Variants in RPS6KC1 observed in about 807,000 individuals in gnomAD.
The protein encoded by RPS6KC1 is inactive ribosomal protein S6 kinase delta-1.
RPS6KC1 carries 54 observed loss-of-function variants against 103.8 expected under a neutral mutation model. That is an observed-to-expected ratio of 0.52 (90% CI 0.42 to 0.65). RPS6KC1 has a LOEUF of 0.65. Among genes scored for constraint, RPS6KC1 ranks in the 30% least tolerant of loss-of-function variants. The pLI is 0.00. For synonymous variants in RPS6KC1, 439 were observed against 438.7 expected (o/e 1.00, Z -0.01); for missense variants, 1,151 against 1,253.8 (o/e 0.92, Z 1.24).
At chr1:213,175,282 A>T (rs1220605668) in intron 7 of RPS6KC1, among the ~76,000 whole-genome samples, 2 of 152,204 alleles carry the variant, frequency 1.3e-5, no homozygotes, top group African/African-American at 4.8e-5. Context: ...ATTCTCAAGG[A>T]GCTGCCTGTC....
chr1:213,367,155 G>C, the RPS6KC1 span, among the ~76,000 whole-genome samples: 2 of 152,226 alleles, frequency 1.3e-5, no homozygotes, highest in Non-Finnish European at 2.9e-5. Flanking sequence ...TTTCATGCAT[G>C]TTCTAACTAA....
the RPS6KC1 span, among the ~76,000 whole-genome samples, chr1:213,695,536 C>G: frequency 2.0e-5 from 3 of 152,176 alleles, no homozygotes; most frequent in Non-Finnish European, 2.9e-5. Context: ...AAAGTGGCCC[C>G]TCTGCTGGGA....
At chr1:213,087,729 G>A (rs2080543695) in intron 3 of RPS6KC1, among the ~76,000 whole-genome samples, 1 of 152,156 alleles carries the variant, frequency 6.6e-6, no homozygotes, top group Non-Finnish European at 1.5e-5. Flanking sequence ...TGATCACCTA[G>A]CTAAGGACAC....
chr1:213,199,950 A>G (rs2093095927), intron 8 of RPS6KC1, among the ~76,000 whole-genome samples: 1 of 152,238 alleles, frequency 6.6e-6, no homozygotes, highest in Admixed American at 6.5e-5. Context: ...GATCTCTACA[A>G]GGAGAACTGT....
the RPS6KC1 span, among the ~76,000 whole-genome samples, chr1:213,678,282 A>G: frequency 1.3e-5 from 2 of 152,228 alleles, no homozygotes; most frequent in Non-Finnish European, 2.9e-5. Flanking sequence ...TGTGTTCAGA[A>G]GCTTGCAGAC....
chr1:213,340,583 C>T, the RPS6KC1 span, among the ~76,000 whole-genome samples: 3 of 152,126 alleles, frequency 2.0e-5, no homozygotes, highest in Admixed American at 2.0e-4. Context: ...TAAGACTGCA[C>T]CCATAATGAA....
At chr1:213,797,557 C>T in the RPS6KC1 span, among the ~76,000 whole-genome samples, 9 of 152,282 alleles carry the variant, frequency 5.9e-5, no homozygotes, top group South Asian at 6.2e-4. Flanking sequence ...ACTTTGACCA[C>T]GTCTATCCTC....
chr1:213,674,343 A>T, the RPS6KC1 span, among the ~76,000 whole-genome samples: 1 of 152,002 alleles, frequency 6.6e-6, no homozygotes, highest in South Asian at 2.1e-4. Flanking sequence ...GTTTATGAGT[A>T]CCCAATGTTT....
chr1:213,551,355 A>C, the RPS6KC1 span, among the ~76,000 whole-genome samples: 1 of 152,098 alleles, frequency 6.6e-6, no homozygotes, highest in African/African-American at 2.4e-5. Flanking sequence ...AGGGGGAAGG[A>C]AAGTGCACCA....
chr1:213,475,267 T>C, the RPS6KC1 span, among the ~76,000 whole-genome samples: 2 of 152,160 alleles, frequency 1.3e-5, no homozygotes, highest in African/African-American at 4.8e-5. Context: ...CACCAGACTT[T>C]GGTGCAATTT....
At chr1:213,754,808 C>T in the RPS6KC1 span, among the ~76,000 whole-genome samples, 1 of 152,198 alleles carries the variant, frequency 6.6e-6, no homozygotes, top group South Asian at 2.1e-4. Flanking sequence ...TCCCATTGGG[C>T]ATCAGGGCTT....
rs2085836390 is a variant in RPS6KC1 at position 213,133,074 on chromosome 1, T to G, written c.835+3185T>G. ...GGTAACTTTGAATTCTCTTTGAACC[T>G]GACACTTCACTTACTCCCTCTTAGA... On this transcript the variant is annotated intron_variant, in intron 6 of 14. Transcript: ENST00000366960. 3.3e-5 allele frequency among the ~76,000 whole-genome samples: 5 copies of G among 152,302 alleles called. No homozygotes were observed. In the South Asian group the frequency reaches 1.0e-3, roughly 32 times the overall value.
chr1:213,114,418 CTT>C (rs2083356292), intron 4 of RPS6KC1, among the ~76,000 whole-genome samples: 1 of 141,834 alleles, frequency 7.1e-6, no homozygotes, highest in African/African-American at 2.7e-5. Flanking sequence ...TATCCTGAGA[CTT>C]TGCTGAAGTT....
the RPS6KC1 span, among the ~76,000 whole-genome samples, chr1:213,658,413 G>A: frequency 2.0e-5 from 3 of 152,304 alleles, no homozygotes; most frequent in East Asian, 1.9e-4. Context: ...GTTGAAGAGC[G>A]AGCACTGAGG....
chr1:213,278,045 A>G (rs2095115482), downstream of RPS6KC1, among the ~76,000 whole-genome samples: 1 of 152,064 alleles, frequency 6.6e-6, no homozygotes, highest in African/African-American at 2.4e-5. Flanking sequence ...CTCTACAAAA[A>G]ATACAAAAAT....
At chr1:213,422,914 G>T in the RPS6KC1 span, among the ~76,000 whole-genome samples, 3 of 152,202 alleles carry the variant, frequency 2.0e-5, no homozygotes, top group Non-Finnish European at 4.4e-5. Flanking sequence ...TTACTACGGT[G>T]ACCCAGGACA....
At chr1:213,197,230 T>G (rs1362777706) in intron 8 of RPS6KC1, among the ~76,000 whole-genome samples, 1 of 152,170 alleles carries the variant, frequency 6.6e-6, no homozygotes, top group East Asian at 1.9e-4. Context: ...GCCTCCAGAT[T>G]TATTCTCTTT....
chr1:213,251,102 C>CTTTTTT (rs1235280521), intron 12 of RPS6KC1, among the ~76,000 whole-genome samples: 14 of 100,210 alleles, frequency 1.4e-4, no homozygotes, highest in Non-Finnish European at 2.0e-4. Flanking sequence ...GGTTTTTCAG[C>CTTTTTT]TTTTTTTTTT....
the RPS6KC1 span, among the ~76,000 whole-genome samples, chr1:213,670,009 T>G: frequency 6.6e-6 from 1 of 152,186 alleles, no homozygotes; most frequent in Non-Finnish European, 1.5e-5. Context: ...AATGTTGTGT[T>G]ATTATCCTGG....
Sources: allele counts gnomAD v4.1 joint callset (sites outside exome capture counted in the v4.1 genomes callset), GRCh38; gene constraint gnomAD v4.1.1; transcripts MANE v1.5; gene names NCBI Gene and HGNC (gene_info 2026-07-23, HGNC 2026-07-21).